The following KIAA1549L variants were observed in gnomAD, a reference collection of about 807,000 sequenced individuals.
The protein encoded by KIAA1549L is UPF0606 protein KIAA1549L.
A neutral mutation model predicts 160.7 loss-of-function variants in KIAA1549L; 88 were observed. The observed-to-expected ratio is 0.55, with a 90% CI of 0.46 to 0.65. The LOEUF (loss-of-function observed/expected upper bound fraction) is 0.65, where lower values mean the gene tolerates loss of function less well. Among genes scored for constraint, KIAA1549L ranks in the 30% least tolerant of loss-of-function variants. The pLI is 0.00. For missense variants in KIAA1549L, 2,258 were observed against 2,437.5 expected, an observed-to-expected ratio of 0.93 and a Z score of 1.55; for synonymous variants, 950 against 976.7, an observed-to-expected ratio of 0.97 and a Z score of 0.51.
intron 1 of KIAA1549L, among the ~76,000 whole-genome samples, chr11:33,458,777 G>A (rs900282617): frequency 6.6e-6 from 1 of 152,214 alleles, no homozygotes; most frequent in East Asian, 1.9e-4. Flanking sequence ...CTGAGCAAGT[G>A]GCAGATGTCA....
chr11:33,578,592 C>A (rs983585817), intron 10 of KIAA1549L, among the ~76,000 whole-genome samples: 1 of 152,214 alleles, frequency 6.6e-6, no homozygotes, highest in Non-Finnish European at 1.5e-5. Flanking sequence ...AAAATACTTG[C>A]TGGCTCCCAT....
intron 1 of KIAA1549L, among the ~76,000 whole-genome samples, chr11:33,395,756 A>C (rs1324267652): frequency 6.6e-6 from 1 of 151,994 alleles, no homozygotes; most frequent in East Asian, 1.9e-4. Flanking sequence ...GTATGTAGTA[A>C]ATTCTGATTA....
intron 1 of KIAA1549L, among the ~76,000 whole-genome samples, chr11:33,506,712 CTA>C (rs1853099044): frequency 9.5e-6 from 1 of 105,766 alleles, no homozygotes; most frequent in African/African-American, 3.1e-5. Context: ...TAACACCTTG[CTA>C]AAAAAAAAAA....
intron 18 of KIAA1549L, 44 bp from the exon 19 acceptor site, chr11:33,658,706 T>C (rs767623887): frequency 1.3e-6 from 2 of 1,553,108 alleles, no homozygotes; most frequent in Non-Finnish European, 8.7e-7. Flanking sequence ...GGACGCCGCC[T>C]GAGGTCTGGG....
chr11:33,643,321 G>A (rs935270246), intron 16 of KIAA1549L, among the ~76,000 whole-genome samples: 23 of 152,036 alleles, frequency 1.5e-4, no homozygotes, highest in Admixed American at 1.3e-3. Context: ...AACCTTACTC[G>A]GAGAACTCAC....
intron 15 of KIAA1549L, among the ~76,000 whole-genome samples, chr11:33,613,445 A>G (rs1850699566): frequency 1.3e-5 from 2 of 152,186 alleles, no homozygotes; most frequent in Admixed American, 1.3e-4. Flanking sequence ...AAAGAGGTTT[A>G]ATTGGCTCAC....
chr11:33,450,561 C>T (rs1485300027), intron 1 of KIAA1549L: 1 of 142,944 alleles, frequency 7.0e-6, no homozygotes, highest in Non-Finnish European at 1.5e-5. Context: ...CACCCTGTCT[C>T]TTAAACAACA....
At position 33,574,860 on chromosome 11, in the gene KIAA1549L, T is replaced by C; in HGVS notation, c.4389T>C (p.Leu1463=). 1 of 1,613,448 alleles carries C rather than the reference T, an allele frequency of 6.2e-7. No individual in the cohort carries two copies. Among genetic ancestry groups the C allele is most frequent in the Non-Finnish European group, 8.5e-7 (1 of 1,179,546 alleles). ...RMALTLHHVV[L]LQADPVVKNP... is the part of the protein sequence containing the mutation. The stretch of plus-strand genomic sequence containing the variant: ...CCTTGACCCTTCATCACGTTGTCCT[T>C]CTGCAAGCTGACCGTAAGGGAATGG... Residue 1463 remains leucine (L), a synonymous_variant, in exon 10 of 21, where the codon CTT becomes CTC. Transcript: ENST00000658780.
At position 33,591,384 on chromosome 11, in the gene KIAA1549L, A is replaced by G. The variant is rs1365188603; in HGVS notation, c.4714A>G (p.Thr1572Ala). 6.2e-7 allele frequency: 1 copy of G among 1,610,048 alleles called. No individual in the cohort carries two copies. Among genetic ancestry groups the G allele is most frequent in the African/African-American group, 1.3e-5 (1 of 74,834 alleles). The change falls in exon 12 of 21, where the codon ACC (threonine) becomes GCC (alanine). Residue 1572 changes from threonine (T) to alanine (A), a missense_variant. Around this residue, in one of 6 missense-constraint regions of KIAA1549L, gnomAD observed 1,359 missense variants for 1,546.6 expected, o/e 0.88. Transcript: ENST00000658780. ...QERDVAQDGS[T>A]IKTAKSTETR... ...AAGAGACGTCGCTCAGGATGGAAGC[A>G]CCATCAAGACCGCCAAATCCACTGA... is the stretch of plus-strand genomic sequence containing the variant.
intron 1 of KIAA1549L, among the ~76,000 whole-genome samples, chr11:33,512,503 A>T (rs1400386304): frequency 6.6e-6 from 1 of 152,130 alleles, no homozygotes; most frequent in African/African-American, 2.4e-5. Context: ...GCTCACAGGA[A>T]CCTTGATCTC....
At chr11:33,438,416 G>T (rs1851423904) in intron 1 of KIAA1549L, among the ~76,000 whole-genome samples, 1 of 152,196 alleles carries the variant, frequency 6.6e-6, no homozygotes, top group Non-Finnish European at 1.5e-5. Flanking sequence ...TGCTTTTGCT[G>T]GAACTGCCTC....
chr11:33,436,184 G>C (rs1026714983), intron 1 of KIAA1549L, among the ~76,000 whole-genome samples: 5 of 151,960 alleles, frequency 3.3e-5, no homozygotes, highest in Admixed American at 3.3e-4. Context: ...AGGGATCCTG[G>C]AACTGATCCC....
At chr11:33,447,897 G>C (rs183798116) in intron 1 of KIAA1549L, among the ~76,000 whole-genome samples, 66 of 152,082 alleles carry the variant, frequency 4.3e-4, no homozygotes, top group Non-Finnish European at 6.0e-4. Context: ...AAGATGCTGC[G>C]AGAACTTGAG....
intron 1 of KIAA1549L, among the ~76,000 whole-genome samples, chr11:33,430,558 G>A (rs979745175): frequency 6.6e-6 from 1 of 152,200 alleles, no homozygotes; most frequent in Non-Finnish European, 1.5e-5. Flanking sequence ...TTTTTGCAGA[G>A]TTTCATTTTT....
intron 3 of KIAA1549L, among the ~76,000 whole-genome samples, chr11:33,547,299 A>G (rs1854296713): frequency 6.6e-6 from 1 of 152,120 alleles, no homozygotes; most frequent in African/African-American, 2.4e-5. Flanking sequence ...CCTTCAAACA[A>G]TACCTGTCAC....
At chr11:33,661,778 G>A (rs369431446) in intron 20 of KIAA1549L, among the ~76,000 whole-genome samples, 1 of 150,090 alleles carries the variant, frequency 6.7e-6, no homozygotes, top group African/African-American at 2.5e-5. Context: ...TACTGGGGAA[G>A]CTGAAGCAGG....
At chr11:33,452,650 A>C (rs981308077) in intron 1 of KIAA1549L, among the ~76,000 whole-genome samples, 3 of 152,018 alleles carry the variant, frequency 2.0e-5, no homozygotes, top group African/African-American at 7.3e-5. Flanking sequence ...ATGGGCAGAA[A>C]CTGCAATTAC....
At position 33,506,308 on chromosome 11, in the gene KIAA1549L, T is replaced by G. The variant is rs577620341; in HGVS notation, c.239-35494T>G. ...CCTCATTGCTCTCCTTGAGATGCAG[T>G]TAGTCTAAAGCTGATTCAAAGCACA... On this transcript the variant is annotated intron_variant, in intron 1 of 20. Coordinates refer to ENST00000658780, the MANE Select transcript of KIAA1549L (RefSeq NM_012194.3). Among the ~76,000 whole-genome samples the G allele has an allele frequency of 3.3e-5, 5 of 152,314 alleles. No homozygotes were observed. The East Asian group carries it at 9.6e-4, about 29-fold the overall frequency.
intron 13 of KIAA1549L, among the ~76,000 whole-genome samples, chr11:33,606,327 A>G (rs535535099): frequency 2.0e-5 from 3 of 152,314 alleles, no homozygotes; most frequent in Admixed American, 6.5e-5. Context: ...AAACATAGAG[A>G]AAGAAGTTAC....
Sources: gnomAD v4.1 joint callset for allele counts (sites outside exome capture counted in the v4.1 genomes callset) on GRCh38, gnomAD v4.1.1 for gene constraint, gnomAD v4.1.1 regional missense constraint, MANE v1.5 for transcripts, NCBI Gene and HGNC (gene_info 2026-07-23, HGNC 2026-07-21) for gene names.